DOCK5: variants seen among roughly 807,000 people sequenced by gnomAD.
The protein encoded by DOCK5 is dedicator of cytokinesis 5.
DOCK5 carries 142 observed loss-of-function variants against 251.8 expected under a neutral mutation model. That is an observed-to-expected ratio of 0.56 (90% CI 0.49 to 0.65). The LOEUF is 0.65. Among genes scored for constraint, DOCK5 ranks in the 30% least tolerant of loss-of-function variants. DOCK5 has a pLI of 0.00. For synonymous variants in DOCK5, 842 were observed against 835.5 expected (o/e 1.01, Z -0.13); for missense variants, 2,111 against 2,312.3 (o/e 0.91, Z 1.79).
At chr8:25,296,859 G>T (rs1804629296) in intron 7 of DOCK5, among the ~76,000 whole-genome samples, 2 of 152,098 alleles carry the variant, frequency 1.3e-5, no homozygotes, top group South Asian at 2.1e-4. Flanking sequence ...TAAGTGAAAA[G>T]ATCAGGATCC....
intron 30 of DOCK5, 24 bp from the exon 31 acceptor site, chr8:25,366,846 A>G: frequency 6.3e-7 from 1 of 1,587,464 alleles, no homozygotes; most frequent in Non-Finnish European, 8.6e-7. Context: ...ATTTCCCTTT[A>G]CCCACACAAT....
chr8:25,369,894 G>A (rs899727860), intron 34 of DOCK5, among the ~76,000 whole-genome samples: 4 of 152,176 alleles, frequency 2.6e-5, no homozygotes, highest in Admixed American at 2.0e-4. Context: ...CAAGGAGGAG[G>A]TGCAGAGTGG....
At chr8:25,299,279 G>A (rs1804697366) in intron 8 of DOCK5, 178 bp downstream of exon 8, 1 of 625,294 alleles carries the variant, frequency 1.6e-6, no homozygotes, top group African/African-American at 1.9e-5. Context: ...GTCACTACTA[G>A]AACAATGAGG....
At chr8:25,354,742 G>A (rs1800538131) in intron 27 of DOCK5, among the ~76,000 whole-genome samples, 1 of 152,148 alleles carries the variant, frequency 6.6e-6, no homozygotes, top group African/African-American at 2.4e-5. Context: ...AGATATTCAA[G>A]AATGGTTAAA....
chr8:25,292,240 ACT>A, intron 6 of DOCK5, 68 bp downstream of exon 6: 12 of 1,448,066 alleles, frequency 8.3e-6, no homozygotes, highest in Non-Finnish European at 1.1e-5. Context: ...CGCTAATGAC[ACT>A]GTTTGCAGCG....
intron 42 of DOCK5, among the ~76,000 whole-genome samples, chr8:25,390,818 GT>G (rs34014169): frequency 0.53 from 79,507 of 149,128 alleles, 22,908 homozygotes; most frequent in East Asian, 0.63. Context: ...CTTTTTTTTT[GT>G]TTTTTTTTGA....
At position 25,363,126 on chromosome 8, in the gene DOCK5, A is replaced by G. The variant is rs148749876; in HGVS notation, c.3029A>G (p.Asn1010Ser). Reference sequence around the variant, plus strand: ...TATGCCAAAGATTGGATGGTGATGAATATGACTCAAAACAGGTGAGACAGC... The same window carrying G: ...TATGCCAAAGATTGGATGGTGATGAGTATGACTCAAAACAGGTGAGACAGC... ...NVYAKDWMVM[N>S]MTQNRVFLRA... The change falls in exon 29 of 52, where the codon AAT (asparagine) becomes AGT (serine). Residue 1010 changes from asparagine to serine, a missense_variant. By Grantham distance (46) the Asn-to-Ser change is conservative (BLOSUM62 1). Around this residue, in one of 3 missense-constraint regions of DOCK5, gnomAD observed 1,717 missense variants for 1,892.4 expected, o/e 0.91. Coordinates refer to ENST00000276440, the MANE Select transcript of DOCK5 (RefSeq NM_024940.8). 86 of 1,613,928 alleles carry G rather than the reference A, an allele frequency of 5.3e-5. No homozygotes were observed. The highest frequency in any genetic ancestry group is 1.5e-4 in the South Asian group (14 of 91,096).
intron 40 of DOCK5, among the ~76,000 whole-genome samples, chr8:25,386,943 A>G (rs916673916): frequency 2.6e-5 from 4 of 152,238 alleles, no homozygotes; most frequent in Admixed American, 6.5e-5. Flanking sequence ...AGTTAATAGC[A>G]TATAGGAGTG....
At chr8:25,271,528 G>T (rs754772112) in intron 3 of DOCK5, among the ~76,000 whole-genome samples, 5 of 152,146 alleles carry the variant, frequency 3.3e-5, no homozygotes, top group Admixed American at 6.5e-5. Context: ...TACTTGAAAG[G>T]CCTGTTGTTT....
chr8:25,396,129 C>T (rs1417707187), intron 45 of DOCK5, among the ~76,000 whole-genome samples: 2 of 152,094 alleles, frequency 1.3e-5, no homozygotes, highest in Non-Finnish European at 2.9e-5. Flanking sequence ...CCTGTAATCC[C>T]AGGATTTAGG....
In DOCK5 at chr8:25,185,052, C is replaced by G. The variant is rs566863330; in HGVS notation, c.43+101C>G. On this transcript the variant is annotated intron_variant, in intron 1 of 51. Transcript: ENST00000276440. ...GCAGAGCCCGGCGGAGGACCCTGGC[C>G]GGGGGCTCGGCCCGGCTGCGCAGCT... is the stretch of plus-strand genomic sequence containing the variant. 554 of 1,218,440 alleles carry G rather than the reference C, an allele frequency of 4.5e-4. 3 individuals are homozygous for G. In the African/African-American group the frequency reaches 7.9e-3, roughly 17 times the overall value. The allele number at this position is 1,218,440 out of a possible 1,614,324, so 75.5% of individuals were successfully genotyped here.
At chr8:25,331,846 A>G (rs1446208584) in intron 18 of DOCK5, among the ~76,000 whole-genome samples, 1 of 148,640 alleles carries the variant, frequency 6.7e-6, no homozygotes, top group Non-Finnish European at 1.5e-5. Flanking sequence ...AGAGAGATAC[A>G]CACATACCTA....
intron 1 of DOCK5, among the ~76,000 whole-genome samples, chr8:25,190,775 G>GTTTTT (rs755511798): frequency 9.3e-5 from 5 of 53,978 alleles, no homozygotes; most frequent in Admixed American, 3.6e-4. Flanking sequence ...CTTGGTCATG[G>GTTTTT]GTTTTTTTTT....
chr8:25,246,084 T>C (rs1467270914), intron 2 of DOCK5, among the ~76,000 whole-genome samples: 4 of 152,192 alleles, frequency 2.6e-5, no homozygotes, highest in Non-Finnish European at 5.9e-5. Context: ...TTAATTCCTA[T>C]TTATTAAACC....
intron 10 of DOCK5, 37 bp downstream of exon 10, chr8:25,302,491 C>T: frequency 1.3e-6 from 2 of 1,492,166 alleles, no homozygotes; most frequent in Non-Finnish European, 1.8e-6. Context: ...TGAAATAGTG[C>T]AGTGCTGTGG....
chr8:25,240,589 T>C (rs1157463109), intron 1 of DOCK5, among the ~76,000 whole-genome samples: 1 of 152,250 alleles, frequency 6.6e-6, no homozygotes, highest in African/African-American at 2.4e-5. Context: ...GCTTCTTTCC[T>C]TTAGTGTAAT....
chr8:25,363,747 G>A (rs142453221), intron 29 of DOCK5, among the ~76,000 whole-genome samples: 46 of 152,286 alleles, frequency 3.0e-4, no homozygotes, highest in Admixed American at 5.2e-4. Flanking sequence ...AACCAAACTG[G>A]CCTCTGCCCA....
At chr8:25,401,446 A>C (rs2117335996) in intron 47 of DOCK5, among the ~76,000 whole-genome samples, 1 of 152,140 alleles carries the variant, frequency 6.6e-6, no homozygotes, top group South Asian at 2.1e-4. Flanking sequence ...CTGTACTAGA[A>C]ATCAGGCCAG....
At chr8:25,213,032 A>C (rs1188038921) in intron 1 of DOCK5, among the ~76,000 whole-genome samples, 3 of 70,196 alleles carry the variant, frequency 4.3e-5, no homozygotes, top group African/African-American at 9.7e-5. Context: ...GGTTGCCTAC[A>C]ATGGTCATGG....
Sources: allele counts gnomAD v4.1 joint callset (sites outside exome capture counted in the v4.1 genomes callset), GRCh38; gene constraint gnomAD v4.1.1; regional missense constraint gnomAD v4.1.1; transcripts MANE v1.5; gene names NCBI Gene and HGNC (gene_info 2026-07-23, HGNC 2026-07-21).